TRIP12: variants seen among roughly 807,000 people sequenced by gnomAD.
The protein encoded by TRIP12 is thyroid hormone receptor interactor 12.
In TRIP12, 25 loss-of-function variants were observed where a neutral mutation model predicts 244.2. That is an observed-to-expected ratio of 0.10 (90% CI 0.07 to 0.14). TRIP12 has a LOEUF of 0.14. TRIP12 is among the 10% of genes least tolerant of loss of function. The probability of loss-of-function intolerance (pLI) is 1.00; values close to 1 mark genes in which losing one functional copy is unlikely to be tolerated. For synonymous variants in TRIP12, 905 were observed against 873.1 expected, an observed-to-expected ratio of 1.04 and a Z score of -0.64; for missense variants, 1,677 against 2,486.4, an observed-to-expected ratio of 0.67 and a Z score of 6.92.
At chr2:229,918,328 T>G (rs1235904753) in intron 1 of TRIP12, among the ~76,000 whole-genome samples, 1 of 152,230 alleles carries the variant, frequency 6.6e-6, no homozygotes, top group African/African-American at 2.4e-5. Context: ...GGTTGCTGTT[T>G]TGACTTGAGT....
intron 1 of TRIP12, chr2:229,894,397 T>C (rs1019972129): frequency 2.6e-5 from 4 of 152,130 alleles, no homozygotes; most frequent in African/African-American, 9.7e-5. Flanking sequence ...CGGAGAAGAA[T>C]AGCATGGCCC....
intron 13 of TRIP12, among the ~76,000 whole-genome samples, chr2:229,813,125 A>G (rs936874224): frequency 5.9e-5 from 9 of 152,102 alleles, no homozygotes; most frequent in Non-Finnish European, 1.2e-4. Flanking sequence ...AACCCCAGAT[A>G]GCCACAAACT....
At chr2:229,921,633 C>G (rs956349304) in intron 1 of TRIP12, 2 of 152,244 alleles carry the variant, frequency 1.3e-5, no homozygotes, top group African/African-American at 4.8e-5. Context: ...CTACCTCCCG[C>G]CAGGCCCCGG....
chr2:229,913,493 C>T (rs1159828296), intron 1 of TRIP12, among the ~76,000 whole-genome samples: 1 of 152,202 alleles, frequency 6.6e-6, no homozygotes, highest in Admixed American at 6.5e-5. Context: ...TCATCATCTA[C>T]TAATAAACAT....
intron 7 of TRIP12, among the ~76,000 whole-genome samples, chr2:229,830,035 A>G (rs1446981730): frequency 6.6e-6 from 1 of 152,244 alleles, no homozygotes; most frequent in East Asian, 1.9e-4. Context: ...TTTAAAAGCA[A>G]TAAAAAATGA....
intron 4 of TRIP12, among the ~76,000 whole-genome samples, chr2:229,844,930 C>T (rs1317823105): frequency 6.6e-6 from 1 of 152,124 alleles, no homozygotes; most frequent in Non-Finnish European, 1.5e-5. Flanking sequence ...CCACGTGGTA[C>T]CATTGGAAAT....
intron 4 of TRIP12, among the ~76,000 whole-genome samples, chr2:229,851,181 G>C (rs186941252): frequency 2.2e-3 from 341 of 152,366 alleles, no homozygotes; most frequent in Middle Eastern, 6.8e-3. Context: ...CTAGGCTCCT[G>C]AGTCTGGTGG....
chr2:229,882,356 C>G (rs1016531926), intron 1 of TRIP12, among the ~76,000 whole-genome samples: 1 of 152,114 alleles, frequency 6.6e-6, no homozygotes, highest in African/African-American at 2.4e-5. Context: ...AAAATACTTT[C>G]AAAAGTGAAA....
chr2:229,788,648 T>C, intron 32 of TRIP12, 150 bp downstream of exon 32: 7 of 1,074,212 alleles, frequency 6.5e-6, no homozygotes, highest in Non-Finnish European at 9.4e-6. Flanking sequence ...TCTGTTTACA[T>C]GCTAAAGCCA....
At chr2:229,813,387 T>C (rs999722928) in intron 13 of TRIP12, among the ~76,000 whole-genome samples, 1 of 152,154 alleles carries the variant, frequency 6.6e-6, no homozygotes, top group African/African-American at 2.4e-5. Flanking sequence ...CAAAATTTTA[T>C]AAAATAACCT....
chr2:229,774,829 TAA>T (rs759853277), intron 37 of TRIP12, among the ~76,000 whole-genome samples: 23 of 132,974 alleles, frequency 1.7e-4, no homozygotes, highest in Admixed American at 3.8e-4. Context: ...CACTGTGATC[TAA>T]AAAAAAAAAA....
chr2:229,850,051 A>G (rs1323311215), intron 4 of TRIP12, among the ~76,000 whole-genome samples: 1 of 152,206 alleles, frequency 6.6e-6, no homozygotes, highest in Non-Finnish European at 1.5e-5. Flanking sequence ...TATCAGAATC[A>G]GAAGTGTCAA....
chr2:229,768,827 TA>T lies in TRIP12; in HGVS notation c.5904-109del, dbSNP rs1179856652. On this transcript the variant is annotated intron_variant, in intron 40 of 41. Coordinates refer to ENST00000675903, the MANE Select transcript of TRIP12 (RefSeq NM_001348323.3). ...AAAAATTAGATTAGCACTTTTAAAT[TA>T]CACATACATTTTCCATTACAATGTA... is the stretch of plus-strand genomic sequence containing the variant. 9 of 1,006,716 alleles carry T rather than the reference TA, an allele frequency of 8.9e-6. No individual in the cohort carries two copies. In the South Asian group the frequency reaches 1.6e-4, roughly 18 times the overall value. The allele number at this position is 1,006,716 out of a possible 1,614,324, so 62.4% of individuals were successfully genotyped here. A position where few individuals can be genotyped will look rare whatever the true frequency, so the allele number is the denominator to read the frequency against.
intron 4 of TRIP12, among the ~76,000 whole-genome samples, chr2:229,857,913 A>AT (rs1385698187): frequency 6.6e-6 from 1 of 152,246 alleles, no homozygotes; most frequent in Non-Finnish European, 1.5e-5. Flanking sequence ...AGAGTAGTGT[A>AT]TATAAGAGTA....
At chr2:229,832,309 T>C (rs1182782076) in intron 6 of TRIP12, among the ~76,000 whole-genome samples, 2 of 152,208 alleles carry the variant, frequency 1.3e-5, no homozygotes, top group Non-Finnish European at 2.9e-5. Context: ...TGTGGCCGCT[T>C]TCACGCTATA....
chr2:229,834,642 C>T (rs1477725098), intron 6 of TRIP12, among the ~76,000 whole-genome samples: 1 of 150,752 alleles, frequency 6.6e-6, no homozygotes, highest in Middle Eastern at 3.2e-3. Flanking sequence ...CACTTGTAGT[C>T]CCAACTACTT....
chr2:229,807,954 A>G, intron 16 of TRIP12, 90 bp from the exon 17 acceptor site: 1 of 1,395,852 alleles, frequency 7.2e-7, no homozygotes, highest in South Asian at 1.4e-5. Flanking sequence ...ACACAAACCA[A>G]AAGTTGTATT....
In TRIP12 at chr2:229,774,208, T is replaced by G; in HGVS notation, c.5583A>C (p.Ser1861=). The G allele has an allele frequency of 6.2e-7, 1 of 1,614,188 alleles. No homozygotes were observed. Among genetic ancestry groups the G allele is most frequent in the South Asian group, 1.1e-5 (1 of 91,076 alleles). Residue 1861 remains serine (S), a synonymous_variant, in exon 38 of 42, where the codon TCA becomes TCC. Transcript: ENST00000675903. ...ALETLTMNGC[S]VEDLGLDFTL... is the part of the protein sequence containing the mutation. ...TGAAATCCAGTCCTAGATCTTCAAC[T>G]GAGCAGCCATTCATAGTCAAGGTTT...
chr2:229,873,705 C>T (rs564244942), intron 2 of TRIP12, among the ~76,000 whole-genome samples: 2 of 151,952 alleles, frequency 1.3e-5, no homozygotes, highest in Non-Finnish European at 2.9e-5. Flanking sequence ...TTCTATATAA[C>T]TAATGGGGGT....
Sources: allele counts gnomAD v4.1 joint callset (sites outside exome capture counted in the v4.1 genomes callset), GRCh38; gene constraint gnomAD v4.1.1; transcripts MANE v1.5; gene names NCBI Gene and HGNC (gene_info 2026-07-23, HGNC 2026-07-21).